The following BLM variants were observed in gnomAD, a reference collection of about 807,000 sequenced individuals.
The protein encoded by BLM is recQ-like DNA helicase BLM.
A neutral mutation model predicts 135.3 loss-of-function variants in BLM; 95 were observed. The observed-to-expected ratio is 0.70, with a 90% CI of 0.59 to 0.83. The LOEUF is 0.83. Among genes scored for constraint, BLM ranks in the 40% least tolerant of loss-of-function variants. The probability of loss-of-function intolerance (pLI) is 0.00; values close to 1 mark genes in which losing one functional copy is unlikely to be tolerated. For missense variants in BLM, 1,518 were observed against 1,663.9 expected, an observed-to-expected ratio of 0.91 and a Z score of 1.53; for synonymous variants, 520 against 589.2, an observed-to-expected ratio of 0.88 and a Z score of 1.70.
At chr15:90,789,043 A>G (rs1896831952) in intron 14 of BLM, among the ~76,000 whole-genome samples, 2 of 18,654 alleles carry the variant, frequency 1.1e-4, no homozygotes, top group Non-Finnish European at 1.6e-4. Flanking sequence ...TACAATGGAG[A>G]TATATATATA....
chr15:90,761,234 G>C lies in BLM; in HGVS notation c.1861G>C (p.Glu621Gln). The change falls in exon 7 of 22, where the codon GAG (glutamate) becomes CAG (glutamine). Residue 621 changes from glutamate to glutamine, a missense_variant. Around this residue, in one of 5 missense-constraint regions of BLM, gnomAD observed 724 missense variants for 756.9 expected, o/e 0.96. Transcript: ENST00000355112. Reference protein sequence around the residue: ...SSTAQNINFSESIQNYTDKSA... With the variant: ...SSTAQNINFSQSIQNYTDKSA... ...TACTGCTCAAAATATAAACTTCTCA[G>C]AGTCAATTCAGAATTATACTGGTAA... 1 of 1,535,418 alleles carries C rather than the reference G, an allele frequency of 6.5e-7. No homozygotes were observed. The highest frequency in any genetic ancestry group is 2.3e-5 in the East Asian group (1 of 43,820).
chr15:90,717,355 A>G lies in BLM; in HGVS notation c.-90A>G, dbSNP rs1894630066. 1 of 152,330 alleles carries G rather than the reference A, an allele frequency of 6.6e-6. No homozygotes were observed. Among genetic ancestry groups the G allele is most frequent in the Non-Finnish European group, 1.5e-5 (1 of 68,130 alleles). The allele number at this position is 152,330 out of a possible 1,614,324, so 9.4% of individuals were successfully genotyped here. On this transcript the variant is annotated 5_prime_UTR_variant, in exon 1 of 22. Transcript: ENST00000355112. ...CGGAATAGGCAAGCTTCCGGCGGGA[A>G]GTGAGCCAGGGCTTGGCGCGGCGGC...
At chr15:90,755,964 T>G (rs1334347048) in intron 5 of BLM, among the ~76,000 whole-genome samples, 1 of 152,124 alleles carries the variant, frequency 6.6e-6, no homozygotes, top group Non-Finnish European at 1.5e-5. Flanking sequence ...TTTCCTCCAG[T>G]TTTTTTGTGG....
At chr15:90,786,688 T>G (rs1896757443) in intron 14 of BLM, among the ~76,000 whole-genome samples, 1 of 152,032 alleles carries the variant, frequency 6.6e-6, no homozygotes, top group Non-Finnish European at 1.5e-5. Flanking sequence ...CAATCTTGGC[T>G]CACTGGAACT....
At chr15:90,769,029 T>G in intron 10 of BLM, 104 bp from the exon 11 acceptor site, 1 of 1,033,356 alleles carries the variant, frequency 9.7e-7, no homozygotes, top group Non-Finnish European at 1.5e-6. Context: ...CCCGGCCTTA[T>G]AGAGGTTTTA....
Position 90,749,569 on chromosome 15 carries a change from A to G in BLM, c.301A>G (p.Arg101Gly). 1.2e-6 allele frequency: 2 copies of G among 1,614,194 alleles called. No homozygotes were observed. Among genetic ancestry groups the G allele is most frequent in the South Asian group, 2.2e-5 (2 of 91,082 alleles). ...TGCTCCAGCAGGACAGGAAACACAG[A>G]GAGGTGGATCAAAATCATTATTGCC... ...KNAPAGQETQ[R>G]GGSKSLLPDF... is the part of the protein sequence containing the mutation. The change falls in exon 3 of 22, where the codon AGA becomes GGA. Residue 101 changes from arginine to glycine, a missense_variant. By Grantham distance (125) the Arg-to-Gly change is moderately radical. Coordinates refer to ENST00000355112, the MANE Select transcript of BLM (RefSeq NM_000057.4).
intron 1 of BLM, among the ~76,000 whole-genome samples, chr15:90,747,022 C>T (rs1281848365): frequency 1.3e-5 from 2 of 151,952 alleles, no homozygotes; most frequent in Middle Eastern, 3.2e-3. Flanking sequence ...CACCTCGCTC[C>T]CTTCCAGCTT....
In BLM at chr15:90,761,107, A is replaced by G; in HGVS notation, c.1734A>G (p.Lys578=). ...TAATGCATAATTTAGCAGCCAGCAA[A>G]TCTTCCACAGCTGCCTATCAACCCA... ...EDIMHNLAAS[K]SSTAAYQPIK... is the part of the protein sequence containing the mutation. The change falls in exon 7 of 22, where the codon AAA becomes AAG. Residue 578 remains lysine, a synonymous_variant. Coordinates refer to ENST00000355112, the MANE Select transcript of BLM (RefSeq NM_000057.4). 1 of 1,545,580 alleles carries G rather than the reference A, an allele frequency of 6.5e-7. No homozygotes were observed.
chr15:90,768,528 C>T (rs28385037), intron 10 of BLM, among the ~76,000 whole-genome samples: 6,526 of 152,164 alleles, frequency 0.043, 173 homozygotes, highest in Non-Finnish European at 0.055. Flanking sequence ...AGATATGTAA[C>T]CCTGTTGCCA....
Position 90,760,638 on chromosome 15 carries a change from GTCT to G in BLM, c.1270_1272del (p.Leu424del), listed in dbSNP as rs777886082. ...GTAGATTTTAATAAAAGTGATGCCAGTCTTCTTGGCTCATTGTGGAGATACAGG... is the reference window on the plus strand; with the variant it reads ...GTAGATTTTAATAAAAGTGATGCCAGTCTTGGCTCATTGTGGAGATACAGG... On this transcript the variant is annotated inframe_deletion, in exon 7 of 22. Transcript: ENST00000355112. The G allele has an allele frequency of 1.2e-5, 19 of 1,612,426 alleles. No individual in the cohort carries two copies. Among genetic ancestry groups the G allele is most frequent in the Admixed American group, 8.3e-5 (5 of 59,906 alleles).
chr15:90,762,707 T>A (rs555940242), intron 7 of BLM, among the ~76,000 whole-genome samples: 14 of 151,938 alleles, frequency 9.2e-5, no homozygotes, highest in Non-Finnish European at 2.1e-4. Context: ...GTGGTCATGG[T>A]TGGAGGAAGG....
intron 19 of BLM, among the ~76,000 whole-genome samples, chr15:90,804,858 C>T (rs151033254): frequency 1.3e-3 from 201 of 152,002 alleles, no homozygotes; most frequent in African/African-American, 4.3e-3. Flanking sequence ...GTTTTTGAGA[C>T]GGAGTTTCAC....
chr15:90,811,468 A>G (rs1362989384), intron 21 of BLM, 62 bp downstream of exon 21: 5 of 1,525,584 alleles, frequency 3.3e-6, no homozygotes, highest in Non-Finnish European at 4.5e-6. Context: ...AAAGTGCAAC[A>G]GCTCTGCCTT....
intron 1 of BLM, among the ~76,000 whole-genome samples, chr15:90,742,602 C>G (rs1188477012): frequency 1.3e-5 from 2 of 152,000 alleles, no homozygotes; most frequent in African/African-American, 2.4e-5. Flanking sequence ...CTCTCTCTCT[C>G]TCTCTTTTTT....
At chr15:90,751,078 A>G (rs1278834132) in intron 3 of BLM, among the ~76,000 whole-genome samples, 1 of 152,266 alleles carries the variant, frequency 6.6e-6, no homozygotes, top group Non-Finnish European at 1.5e-5. Flanking sequence ...TATAAATTAC[A>G]TTCAAAGTTT....
chr15:90,778,128 T>A (rs1294491964), intron 12 of BLM, among the ~76,000 whole-genome samples: 1 of 152,256 alleles, frequency 6.6e-6, no homozygotes, highest in African/African-American at 2.4e-5. Context: ...TATAACAAAT[T>A]GTGTAAATAT....
Position 90,724,251 on chromosome 15 carries a change from G to A in BLM, c.-5+6811G>A, listed in dbSNP as rs147496495. On this transcript the variant is annotated intron_variant, in intron 1 of 21. Coordinates refer to ENST00000355112, the MANE Select transcript of BLM (RefSeq NM_000057.4). Reference sequence around the variant, plus strand: ...TGGTCTCAAACTCCTGGGCTCAAGCGATACTCCTGCCTTGGCCTCCCAAAG... The same window carrying A: ...TGGTCTCAAACTCCTGGGCTCAAGCAATACTCCTGCCTTGGCCTCCCAAAG... 2.4e-4 allele frequency among the ~76,000 whole-genome samples: 36 copies of A among 152,124 alleles called. 2 individuals carry two copies. Among genetic ancestry groups the A allele is most frequent in the East Asian group, 7.7e-4 (4 of 5,174 alleles).
At chr15:90,795,059 G>A (rs538852677) in intron 16 of BLM, among the ~76,000 whole-genome samples, 7 of 152,046 alleles carry the variant, frequency 4.6e-5, no homozygotes, top group Non-Finnish European at 8.8e-5. Flanking sequence ...TTTCACGTTT[G>A]GTGTATTATT....
intron 19 of BLM, among the ~76,000 whole-genome samples, chr15:90,806,372 G>A (rs542689590): frequency 5.9e-5 from 9 of 152,268 alleles, no homozygotes; most frequent in South Asian, 2.1e-4. Flanking sequence ...TTAGCCAGGC[G>A]TGGTGGCGGG....
Sources: allele counts gnomAD v4.1 joint callset (sites outside exome capture counted in the v4.1 genomes callset), GRCh38; gene constraint gnomAD v4.1.1; regional missense constraint gnomAD v4.1.1; transcripts MANE v1.5; gene names NCBI Gene and HGNC (gene_info 2026-07-23, HGNC 2026-07-21).